The following LSM12 variants were observed in gnomAD, a reference collection of about 807,000 sequenced individuals.
The protein encoded by LSM12 is protein LSM12.
For synonymous variants in LSM12, 74 were observed against 87.3 expected, an observed-to-expected ratio of 0.85 and a Z score of 0.85; for missense variants, 108 against 238.9, an observed-to-expected ratio of 0.45 and a Z score of 3.61.
At chr17:44,066,711 C>T (rs966726529), upstream of LSM12, 108 of 1,196,044 alleles carry the variant, frequency 9.0e-5, 1 homozygote, top group African/African-American at 1.6e-3. Context: ...GGGGCGTGGC[C>T]TGGCGCTGGT....
At chr17:44,052,534 G>A (rs184310790) in intron 2 of LSM12, among the ~76,000 whole-genome samples, 118 of 152,072 alleles carry the variant, frequency 7.8e-4, no homozygotes, top group African/African-American at 2.8e-3. Context: ...TGAGGCAGGC[G>A]GATCATGTGA....
chr17:44,043,896 G>A (rs1327788853), intron 2 of LSM12, among the ~76,000 whole-genome samples: 1 of 151,934 alleles, frequency 6.6e-6, no homozygotes, highest in Non-Finnish European at 1.5e-5. Context: ...GTGGACAGGC[G>A]GGCATTTACC....
At chr17:44,041,651 C>A (rs985328573) in intron 2 of LSM12, among the ~76,000 whole-genome samples, 4 of 152,122 alleles carry the variant, frequency 2.6e-5, no homozygotes, top group African/African-American at 9.7e-5. Flanking sequence ...ACAAACTGAT[C>A]AAAAGAAAAT....
intron 2 of LSM12, among the ~76,000 whole-genome samples, chr17:44,058,841 GAAAGAA>G (rs910838047): frequency 4.0e-5 from 6 of 151,760 alleles, no homozygotes; most frequent in Admixed American, 1.3e-4. Flanking sequence ...TCTCAAAAAA[GAAAGAA>G]AAATTAGCCA....
chr17:44,062,146 C>T (rs541772288), intron 2 of LSM12, among the ~76,000 whole-genome samples: 4 of 139,860 alleles, frequency 2.9e-5, no homozygotes, highest in East Asian at 2.2e-4. Flanking sequence ...GGCATGAACC[C>T]GGGAGGCGGA....
At position 44,063,854 on chromosome 17, in the gene LSM12, T is replaced by C. The variant is rs759013794; in HGVS notation, c.205A>G (p.Ile69Val). The change falls in exon 2 of 5, where the codon ATT (isoleucine) becomes GTT (valine). Residue 69 changes from isoleucine to valine, a missense_variant. Coordinates refer to ENST00000293406, the MANE Select transcript of LSM12 (RefSeq NM_001371445.1). ...NLQYVSEVEI[I>V]NDRTETPPPL... ...GGAGGGGTTTCTGTTCGGTCATTAA[T>C]TATTTCCACTTCTGAAACATACTGT... 1.2e-6 allele frequency: 2 copies of C among 1,613,976 alleles called. No individual in the cohort carries two copies. The highest frequency in any genetic ancestry group is 4.5e-5 in the East Asian group (2 of 44,898).
Position 44,034,510 on chromosome 17 carries a change from G to A in LSM12, c.*1698C>T, listed in dbSNP as rs955283643. ...GCATTATATTTCTGGATGAGTCCTC[G>A]GGGGTGAAAAGAGAGGGTAAATAGT... On this transcript the variant is annotated 3_prime_UTR_variant, in exon 5 of 5. Transcript: ENST00000293406. 5 of 152,290 alleles carry A rather than the reference G, an allele frequency of 3.3e-5. 1 individual carries two copies. The South Asian group carries it at 6.2e-4, about 19-fold the overall frequency. 9.4% of individuals were successfully genotyped at this position (152,290 alleles called of 1,614,324 possible).
intron 2 of LSM12, among the ~76,000 whole-genome samples, chr17:44,048,074 AAG>A (rs1472544053): frequency 4.0e-5 from 6 of 150,626 alleles, no homozygotes; most frequent in Non-Finnish European, 5.9e-5. Flanking sequence ...CGCAAATAAA[AAG>A]AGTTCTTTAT....
chr17:44,036,245 G>A lies in LSM12; in HGVS notation c.551C>T (p.Ala184Val). 1 of 1,613,454 alleles carries A rather than the reference G, an allele frequency of 6.2e-7. No individual in the cohort carries two copies. Among genetic ancestry groups the A allele is most frequent in the Non-Finnish European group, 8.5e-7 (1 of 1,179,884 alleles). ...GGCAGCCTCCTTCTGTGGTTGCTGG[G>A]CTTGTGAACGTTGCAGTATCTTTTG... ...ESQKILQRSQ[A>V]QQPQKEAALS... The change falls in exon 5 of 5, where the codon GCC becomes GTC. Residue 184 changes from alanine to valine, a missense_variant. Coordinates refer to ENST00000293406, the MANE Select transcript of LSM12 (RefSeq NM_001371445.1).
chr17:44,053,948 C>A (rs143401367), intron 2 of LSM12, among the ~76,000 whole-genome samples: 19 of 152,278 alleles, frequency 1.2e-4, no homozygotes, highest in African/African-American at 4.3e-4. Context: ...GAATTACCAC[C>A]ACTGACCCAC....
intron 2 of LSM12, among the ~76,000 whole-genome samples, chr17:44,063,129 G>T (rs889942291): frequency 6.6e-6 from 1 of 151,836 alleles, no homozygotes. Flanking sequence ...GCATGGTGAC[G>T]CATGCATGTA....
At chr17:44,062,243 A>AG (rs2049807073) in intron 2 of LSM12, among the ~76,000 whole-genome samples, 3 of 151,066 alleles carry the variant, frequency 2.0e-5, no homozygotes, top group South Asian at 4.2e-4. Flanking sequence ...AAAAAAAAAA[A>AG]GCTATGAATA....
chr17:44,045,365 C>T (rs565126841), intron 2 of LSM12, among the ~76,000 whole-genome samples: 1 of 152,262 alleles, frequency 6.6e-6, no homozygotes, highest in East Asian at 1.9e-4. Flanking sequence ...CTAGATATTT[C>T]ATATAAATGG....
rs2049885035 is a variant in LSM12 at position 44,066,670 on chromosome 17, G to A, written c.-83C>T. 1 of 1,262,736 alleles carries A rather than the reference G, an allele frequency of 7.9e-7. No homozygotes were observed. Among genetic ancestry groups the A allele is most frequent in the Non-Finnish European group, 1.0e-6 (1 of 999,994 alleles). The allele number at this position is 1,262,736 out of a possible 1,614,324, so 78.2% of individuals were successfully genotyped here. ...CCCCAGTGAGCGCCGCGACGCGACG[G>A]CGCGCACGGAGCGTGCTTGCGTCAC... On this transcript the variant is annotated 5_prime_UTR_variant, in exon 1 of 5. Transcript: ENST00000293406.
intron 2 of LSM12, among the ~76,000 whole-genome samples, chr17:44,058,875 C>T (rs1416136649): frequency 4.0e-5 from 6 of 151,812 alleles, no homozygotes; most frequent in African/African-American, 4.8e-5. Context: ...TGGTTTGTGC[C>T]GGTAGTCCCA....
intron 2 of LSM12, among the ~76,000 whole-genome samples, chr17:44,062,843 T>G (rs968059988): frequency 6.6e-6 from 1 of 150,766 alleles, no homozygotes; most frequent in Non-Finnish European, 1.5e-5. Flanking sequence ...GGCAACAGAA[T>G]GAAACCCCGT....
intron 2 of LSM12, among the ~76,000 whole-genome samples, chr17:44,062,050 T>C (rs1474863649): frequency 6.6e-6 from 1 of 151,654 alleles, no homozygotes; most frequent in Non-Finnish European, 1.5e-5. Context: ...TGAAACCCCG[T>C]CTCTACTAAA....
Position 44,041,326 on chromosome 17 carries a change from C to CACAA in LSM12, c.259-1071_259-1070insTTGT, listed in dbSNP as rs1555623721. Among the ~76,000 whole-genome samples the CACAA allele has an allele frequency of 1.6e-3, 230 of 142,404 alleles. 2 individuals are homozygous for CACAA. Among genetic ancestry groups the CACAA allele is most frequent in the African/African-American group, 5.9e-3 (210 of 35,810 alleles). The allele number at this position is 142,404 out of a possible 152,430, so 93.4% of individuals were successfully genotyped here. A position where few individuals can be genotyped will look rare whatever the true frequency, so the allele number is the denominator to read the frequency against. ...ACACACACACACACACACACACACA[C>CACAA]ACACACAAACACACACACACACACA... On this transcript the variant is annotated intron_variant, in intron 2 of 4. Coordinates refer to ENST00000293406, the MANE Select transcript of LSM12 (RefSeq NM_001371445.1).
intron 2 of LSM12, among the ~76,000 whole-genome samples, chr17:44,055,981 C>T (rs561018907): frequency 1.3e-5 from 2 of 151,432 alleles, no homozygotes; most frequent in African/African-American, 4.8e-5. Flanking sequence ...CCTAAAGGTA[C>T]CCTGGGTAGG....
Sources: allele counts gnomAD v4.1 joint callset (sites outside exome capture counted in the v4.1 genomes callset), GRCh38; gene constraint gnomAD v4.1.1; transcripts MANE v1.5; gene names NCBI Gene and HGNC (gene_info 2026-07-23, HGNC 2026-07-21).